Variants in AGAP1 observed in about 807,000 individuals in gnomAD.
AGAP1 encodes arf-GAP with GTPase, ANK repeat and PH domain-containing protein 1.
Under a neutral mutation model 105.3 loss-of-function variants are expected in AGAP1, and 29 were observed. The observed-to-expected ratio is 0.28, with a 90% confidence interval of 0.21 to 0.38. The LOEUF is 0.38. AGAP1 is among the 10% of genes least tolerant of loss of function. AGAP1 has a pLI of 1.00. For missense variants in AGAP1, 998 were observed against 1,165.1 expected (o/e 0.86, Z 2.09); for synonymous variants, 509 against 485.9 (o/e 1.05, Z -0.63).
intron 1 of AGAP1, chr2:235,670,305 T>A (rs1294799638): frequency 6.6e-6 from 3 of 456,724 alleles, no homozygotes; most frequent in Non-Finnish European, 1.1e-5. Context: ...CCCGGGAGGC[T>A]TGAGGAGGAG....
chr2:235,616,089 G>T (rs1008096719), intron 1 of AGAP1, among the ~76,000 whole-genome samples: 1 of 152,194 alleles, frequency 6.6e-6, no homozygotes, highest in Non-Finnish European at 1.5e-5. Context: ...TGGGCCGGAT[G>T]CAGTGGCTCA....
intron 1 of AGAP1, among the ~76,000 whole-genome samples, chr2:235,634,107 GA>G (rs1410619367): frequency 6.6e-6 from 1 of 152,222 alleles, no homozygotes; most frequent in Admixed American, 6.5e-5. Context: ...AGCGGTAGCT[GA>G]GGCTTTACGG....
chr2:235,859,834 C>A (rs945616888), intron 9 of AGAP1, among the ~76,000 whole-genome samples: 2 of 152,204 alleles, frequency 1.3e-5, no homozygotes, highest in African/African-American at 4.8e-5. Context: ...CCTGGAGCTG[C>A]TCCTCTTTCG....
intron 1 of AGAP1, among the ~76,000 whole-genome samples, chr2:235,671,783 C>T (rs1211950676): frequency 1.3e-5 from 2 of 152,194 alleles, no homozygotes; most frequent in East Asian, 1.9e-4. Flanking sequence ...GTCTGTGTTC[C>T]CTTAAGTCCT....
Position 236,056,694 on chromosome 2 carries a change from CTCTT to C in AGAP1, c.2114+7418_2114+7421del, listed in dbSNP as rs1308003742. 2.0e-5 allele frequency among the ~76,000 whole-genome samples: 3 copies of C among 152,136 alleles called. No homozygotes were observed. The highest frequency in any genetic ancestry group is 4.8e-5 in the African/African-American group (2 of 41,432). ...ACTCTCTGTCTTCTAGTGAACTTTT[CTCTT>C]TCTTCTTCTTAATGAAGAGGAGGGA... On this transcript the variant is annotated intron_variant, in intron 16 of 17. Coordinates refer to ENST00000304032, the MANE Select transcript of AGAP1 (RefSeq NM_001037131.3). The surrounding 1 kb of genome is among the most constrained non-coding windows in gnomAD (Gnocchi z 4.6).
chr2:235,686,612 GAGATAT>G (rs1205125130), intron 1 of AGAP1, among the ~76,000 whole-genome samples: 1 of 56,792 alleles, frequency 1.8e-5, no homozygotes, highest in Non-Finnish European at 3.1e-5. Context: ...TATATACGTG[GAGATAT>G]AGATATATAT....
rs1180479612 is a variant in AGAP1, at chr2:235,951,002, A to G, written c.1484-17460A>G. On this transcript the variant is annotated intron_variant, in intron 12 of 17. Coordinates refer to ENST00000304032, the MANE Select transcript of AGAP1 (RefSeq NM_001037131.3). This position sits in a 1 kb window ranked among gnomAD's most constrained non-coding sequence, Gnocchi z 4.2. ...GTGCAAACAAAGTCAGTTCTTTTTT[A>G]CAAAAAGAATATTCTAATAGTATCT... Among the ~76,000 whole-genome samples, 1 of 147,020 alleles carries G rather than the reference A, an allele frequency of 6.8e-6. No individual in the cohort carries two copies. Among genetic ancestry groups the G allele is most frequent in the Non-Finnish European group, 1.5e-5 (1 of 67,198 alleles).
chr2:235,571,237 G>T (rs1330499102), intron 1 of AGAP1, among the ~76,000 whole-genome samples: 1 of 152,204 alleles, frequency 6.6e-6, no homozygotes, highest in African/African-American at 2.4e-5. Context: ...CTCCAACACT[G>T]GGGGTTACCG....
intron 1 of AGAP1, among the ~76,000 whole-genome samples, chr2:235,564,429 C>T (rs963508667): frequency 1.3e-5 from 2 of 152,212 alleles, no homozygotes; most frequent in Non-Finnish European, 2.9e-5. Context: ...GGCCAAATAA[C>T]CGAGACTAGC....
rs1443021763 is a variant in AGAP1, at chr2:236,109,668, C to T, written c.2115-10524C>T. On this transcript the variant is annotated intron_variant, in intron 16 of 17. Coordinates refer to ENST00000304032, the MANE Select transcript of AGAP1 (RefSeq NM_001037131.3). This position sits in a 1 kb window ranked among gnomAD's most constrained non-coding sequence, Gnocchi z 5.4. ...GGAACGTCCTAGTCGGCGGCAGCGT[C>T]GGTGCTCTGGACCGGCAGCCGTGGA... Among the ~76,000 whole-genome samples, 3 of 152,172 alleles carry T rather than the reference C, an allele frequency of 2.0e-5. No individual in the cohort carries two copies. The highest frequency in any genetic ancestry group is 7.2e-5 in the African/African-American group (3 of 41,456).
intron 15 of AGAP1, 106 bp from the exon 16 acceptor site, chr2:236,048,953 C>A: frequency 9.2e-7 from 1 of 1,092,742 alleles, no homozygotes; most frequent in Non-Finnish European, 1.4e-6. Flanking sequence ...GGATGTGGTT[C>A]TGTCGTTGTG....
At position 235,919,161 on chromosome 2, in the gene AGAP1, C is replaced by T. The variant is rs984319004; in HGVS notation, c.1324+10255C>T. On this transcript the variant is annotated intron_variant, in intron 11 of 17. Coordinates refer to ENST00000304032, the MANE Select transcript of AGAP1 (RefSeq NM_001037131.3). The surrounding 1 kb of genome is among the most constrained non-coding windows in gnomAD (Gnocchi z 4.1). ...CGGAAGAGCCTCTGTGAATTACCCG[C>T]GCCCCCTCCACCAGGGAGCCAGCTG... Among the ~76,000 whole-genome samples, 5 of 152,056 alleles carry T rather than the reference C, an allele frequency of 3.3e-5. No individual in the cohort carries two copies. Among genetic ancestry groups the T allele is most frequent in the Admixed American group, 6.5e-5 (1 of 15,272 alleles).
chr2:235,606,182 G>A (rs576286007), intron 1 of AGAP1, among the ~76,000 whole-genome samples: 59 of 152,316 alleles, frequency 3.9e-4, no homozygotes, highest in African/African-American at 1.2e-3. Context: ...AGTGGCTTGC[G>A]TTCCATTGGT....
intron 6 of AGAP1, among the ~76,000 whole-genome samples, chr2:235,794,507 T>A (rs1369314929): frequency 6.6e-6 from 1 of 152,210 alleles, no homozygotes; most frequent in Non-Finnish European, 1.5e-5. Flanking sequence ...AGTCTGACTC[T>A]GTTACCCAGG....
In AGAP1 at chr2:235,879,096, G is replaced by A. The variant is rs2049885141; in HGVS notation, c.1051-4249G>A. 6.6e-6 allele frequency among the ~76,000 whole-genome samples: 1 copy of A among 152,232 alleles called. No individual in the cohort carries two copies. The highest frequency in any genetic ancestry group is 1.5e-5 in the Non-Finnish European group (1 of 68,052). On this transcript the variant is annotated intron_variant, in intron 9 of 17. Transcript: ENST00000304032. This position sits in a 1 kb window ranked among gnomAD's most constrained non-coding sequence, Gnocchi z 5.0. The stretch of plus-strand genomic sequence containing the variant: ...CCTGGCAGGAGTGAAGACGGCAGGA[G>A]AGCTGGCCCTGCCACATTCCGTTAG...
intron 13 of AGAP1, 152 bp downstream of exon 13, chr2:235,968,775 G>T: frequency 1.3e-6 from 1 of 763,536 alleles, no homozygotes; most frequent in Non-Finnish European, 2.0e-6. Flanking sequence ...TGGCACGAGA[G>T]GGCCCTTGGG....
intron 6 of AGAP1, among the ~76,000 whole-genome samples, chr2:235,763,361 G>C (rs368151383): frequency 1.3e-5 from 2 of 151,910 alleles, no homozygotes; most frequent in Admixed American, 6.6e-5. Context: ...ATCCGCGACC[G>C]TGAAACTTTT....
chr2:235,786,291 T>C (rs1956629339), intron 6 of AGAP1, among the ~76,000 whole-genome samples: 1 of 152,248 alleles, frequency 6.6e-6, no homozygotes, highest in Admixed American at 6.5e-5. Context: ...CTGTGTTTAA[T>C]TGTAGCATTT....
intron 6 of AGAP1, among the ~76,000 whole-genome samples, chr2:235,771,292 T>C (rs1955425096): frequency 6.6e-6 from 1 of 152,210 alleles, no homozygotes; most frequent in African/African-American, 2.4e-5. Context: ...TCCAGAGGGC[T>C]TCTGCTGGGG....
Sources: gnomAD v4.1 joint callset for allele counts (sites outside exome capture counted in the v4.1 genomes callset) on GRCh38, gnomAD v4.1.1 for gene constraint, Gnocchi (gnomAD v3.1) non-coding constraint, MANE v1.5 for transcripts, NCBI Gene and HGNC (gene_info 2026-07-23, HGNC 2026-07-21) for gene names.